TTC17: variants seen among roughly 807,000 people sequenced by gnomAD.
TTC17 encodes the protein tetratricopeptide repeat protein 17.
In TTC17, 58 loss-of-function variants were observed where a neutral mutation model predicts 143.8. The ratio of observed to expected loss-of-function variants is 0.40; its 90% confidence interval spans 0.33 to 0.50. TTC17 has a LOEUF of 0.50. Ranked by LOEUF, TTC17 falls within the 20% of genes least tolerant of loss-of-function variation. TTC17 has a pLI of 0.49. For synonymous variants in TTC17, 501 were observed against 497.8 expected (o/e 1.01, Z -0.09); for missense variants, 1,273 against 1,392.5 (o/e 0.91, Z 1.37).
intron 2 of TTC17, among the ~76,000 whole-genome samples, chr11:43,386,323 C>G (rs549344119): frequency 6.6e-6 from 1 of 152,278 alleles, no homozygotes; most frequent in East Asian, 1.9e-4. Context: ...GTGGGAACAT[C>G]ATAGAGTGTA....
At chr11:43,413,651 G>T (rs761301479) in intron 15 of TTC17, among the ~76,000 whole-genome samples, 3 of 151,190 alleles carry the variant, frequency 2.0e-5, no homozygotes, top group Non-Finnish European at 2.9e-5. Context: ...CCTTTAGATA[G>T]AGAAAAGAAC....
chr11:43,411,130 A>C (rs1390860937), intron 15 of TTC17, among the ~76,000 whole-genome samples: 1 of 152,160 alleles, frequency 6.6e-6, no homozygotes, highest in Non-Finnish European at 1.5e-5. Context: ...CTCACGGGAA[A>C]ATACGAATTT....
At chr11:43,425,639 T>G (rs1947010023) in intron 16 of TTC17, among the ~76,000 whole-genome samples, 1 of 152,184 alleles carries the variant, frequency 6.6e-6, no homozygotes, top group Non-Finnish European at 1.5e-5. Context: ...TGAGGATGTC[T>G]GCCATATATA....
chr11:43,493,682 TAC>T, intron 23 of TTC17, 89 bp from the exon 24 acceptor site: 5 of 1,586,498 alleles, frequency 3.2e-6, no homozygotes, highest in Non-Finnish European at 4.3e-6. Flanking sequence ...TTGTCCCTAG[TAC>T]AGAGGTGCTT....
intron 1 of TTC17, among the ~76,000 whole-genome samples, chr11:43,378,118 GT>G (rs1856830924): frequency 6.6e-6 from 1 of 152,068 alleles, no homozygotes; most frequent in Non-Finnish European, 1.5e-5. Context: ...GGGCAGGCTG[GT>G]CTCAAACTTT....
chr11:43,404,976 CAAATT>C (rs1858045984), intron 11 of TTC17, among the ~76,000 whole-genome samples: 2 of 152,118 alleles, frequency 1.3e-5, no homozygotes, highest in East Asian at 1.9e-4. Context: ...AGCTCCACCT[CAAATT>C]AAATACAAAG....
rs1286741599 is a variant in TTC17 at position 43,391,840 on chromosome 11, A to G, written c.551A>G (p.Asn184Ser). The G allele has an allele frequency of 1.2e-6, 2 of 1,613,516 alleles. No individual in the cohort carries two copies. Among genetic ancestry groups the G allele is most frequent in the Admixed American group, 1.7e-5 (1 of 59,848 alleles). Residue 184 changes from asparagine to serine, a missense_variant, in exon 5 of 24, where the codon AAT becomes AGT. By Grantham distance (46) the Asn-to-Ser change is conservative. Around this residue, in one of 3 missense-constraint regions of TTC17, gnomAD observed 325 missense variants for 444.2 expected, o/e 0.73. Coordinates refer to ENST00000039989, the MANE Select transcript of TTC17 (RefSeq NM_018259.6). Reference protein sequence around the residue: ...QHLRGVQERVNLSAPLLPKED... With the variant: ...QHLRGVQERVSLSAPLLPKED... Reference sequence around the variant, plus strand: ...CTTCAGGGTGTACAGGAGAGAGTTAATCTTTCTGCACCTCTGCTACCTAAA... The same window carrying G: ...CTTCAGGGTGTACAGGAGAGAGTTAGTCTTTCTGCACCTCTGCTACCTAAA...
chr11:43,459,020 G>C (rs531659160), intron 21 of TTC17, among the ~76,000 whole-genome samples: 17 of 152,202 alleles, frequency 1.1e-4, no homozygotes, highest in Admixed American at 5.2e-4. Flanking sequence ...ATACACCGGG[G>C]GTCTTGGAAC....
At position 43,444,111 on chromosome 11, in the gene TTC17, C is replaced by A; in HGVS notation, c.2567C>A (p.Pro856His). ...CCCAAAGGAGATCATAAGAAAACTC[C>A]TGGGAAAAAAGTAGAAACAGGTCAG... ...KKPKGDHKKT[P>H]GKKVETGQIE... The change falls in exon 18 of 24, where the codon CCT (proline) becomes CAT (histidine). Residue 856 changes from proline to histidine, a missense_variant. This residue lies in a region of TTC17 where 878 missense variants were observed against 899.8 expected (regional missense o/e 0.98). Coordinates refer to ENST00000039989, the MANE Select transcript of TTC17 (RefSeq NM_018259.6). 1 of 1,613,010 alleles carries A rather than the reference C, an allele frequency of 6.2e-7. No individual in the cohort carries two copies. Among genetic ancestry groups the A allele is most frequent in the Non-Finnish European group, 8.5e-7 (1 of 1,179,552 alleles).
At chr11:43,477,123 A>T (rs970480274) in intron 21 of TTC17, among the ~76,000 whole-genome samples, 3 of 152,224 alleles carry the variant, frequency 2.0e-5, no homozygotes, top group African/African-American at 7.2e-5. Context: ...TTGCTAAAAC[A>T]TAACAAGAGT....
At chr11:43,417,695 G>C (rs1590386605) in intron 16 of TTC17, among the ~76,000 whole-genome samples, 1 of 152,106 alleles carries the variant, frequency 6.6e-6, no homozygotes, top group Non-Finnish European at 1.5e-5. Flanking sequence ...AATTAGCTGG[G>C]CGTGATAGCG....
At chr11:43,468,217 C>T (rs1433474997) in intron 21 of TTC17, 2 of 152,140 alleles carry the variant, frequency 1.3e-5, no homozygotes, top group African/African-American at 2.4e-5. Flanking sequence ...AAAACAGCAC[C>T]AACCTAGACC....
intron 1 of TTC17, 188 bp downstream of exon 1, chr11:43,359,301 T>A: frequency 1.4e-6 from 1 of 712,890 alleles, no homozygotes; most frequent in Non-Finnish European, 2.1e-6. Flanking sequence ...ACTTGTCTCC[T>A]GGTCCTCGTT....
chr11:43,415,975 T>C (rs959841741), intron 16 of TTC17, among the ~76,000 whole-genome samples: 6 of 152,148 alleles, frequency 3.9e-5, no homozygotes, highest in Non-Finnish European at 8.8e-5. Context: ...AGCTCTGCCA[T>C]TACTTTCTTT....
chr11:43,397,920 G>GTGTGTC (rs1857677026), intron 7 of TTC17, 54 bp from the exon 8 acceptor site: 1 of 998,788 alleles, frequency 1.0e-6, no homozygotes, highest in Middle Eastern at 3.7e-4. Flanking sequence ...GTGTGTGTGT[G>GTGTGTC]TGTGTGTGTG....
chr11:43,428,777 C>T (rs1248858180), intron 16 of TTC17, among the ~76,000 whole-genome samples: 1 of 152,172 alleles, frequency 6.6e-6, no homozygotes, highest in Non-Finnish European at 1.5e-5. Context: ...AAAAGGAAAA[C>T]ACACACACAT....
intron 23 of TTC17, 131 bp downstream of exon 23, chr11:43,492,294 A>C: frequency 3.2e-6 from 4 of 1,239,826 alleles, no homozygotes; most frequent in Non-Finnish European, 4.4e-6. Flanking sequence ...TGGTTCCACC[A>C]ATGTTATATT....
chr11:43,407,230 T>G lies in TTC17; in HGVS notation c.1839+15T>G, dbSNP rs1163393429. The G allele has an allele frequency of 6.4e-7, 1 of 1,574,136 alleles. No individual in the cohort carries two copies. The highest frequency in any genetic ancestry group is 8.6e-7 in the Non-Finnish European group (1 of 1,160,238). On this transcript the variant is annotated intron_variant, in intron 14 of 23. Coordinates refer to ENST00000039989, the MANE Select transcript of TTC17 (RefSeq NM_018259.6). Reference sequence around the variant, plus strand: ...CTATTAATAAGGTGAGTCATTTACTTTAGACATCTAAAACTTAAATGCTTC... The same window carrying G: ...CTATTAATAAGGTGAGTCATTTACTGTAGACATCTAAAACTTAAATGCTTC...
intron 21 of TTC17, among the ~76,000 whole-genome samples, chr11:43,454,826 C>A (rs1590450163): frequency 6.6e-6 from 1 of 151,884 alleles, no homozygotes; most frequent in African/African-American, 2.4e-5. Flanking sequence ...AAAGCAGAGA[C>A]TCAGGGAGAT....
Sources: gnomAD v4.1 joint callset for allele counts (sites outside exome capture counted in the v4.1 genomes callset) on GRCh38, gnomAD v4.1.1 for gene constraint, gnomAD v4.1.1 regional missense constraint, MANE v1.5 for transcripts, NCBI Gene and HGNC (gene_info 2026-07-23, HGNC 2026-07-21) for gene names.